Variants in SYT1 observed in about 807,000 individuals in gnomAD.
SYT1 encodes synaptotagmin 1.
In SYT1, 8 loss-of-function variants were observed where a neutral mutation model predicts 44.8. That is an observed-to-expected ratio of 0.18 (90% confidence interval 0.10 to 0.32). The LOEUF (loss-of-function observed/expected upper bound fraction) is 0.32. Among genes scored for constraint, SYT1 ranks in the 10% least tolerant of loss-of-function variants. The pLI is 1.00. For missense variants in SYT1, 286 were observed against 509.3 expected (o/e 0.56, Z 4.22); for synonymous variants, 154 against 188.8 (o/e 0.82, Z 1.51).
intron 8 of SYT1, among the ~76,000 whole-genome samples, chr12:79,334,611 C>A (rs61928826): frequency 0.11 from 17,008 of 152,158 alleles, 1,425 homozygotes; most frequent in African/African-American, 0.24. Flanking sequence ...AGAACATGCA[C>A]GCATCCGCTC....
intron 8 of SYT1, among the ~76,000 whole-genome samples, chr12:79,328,071 A>G (rs1028418580): frequency 4.6e-5 from 7 of 152,226 alleles, no homozygotes; most frequent in African/African-American, 1.7e-4. Flanking sequence ...TCTGTGTGTA[A>G]GAAAGCCAAT....
intron 9 of SYT1, among the ~76,000 whole-genome samples, chr12:79,428,844 T>C (rs992046042): frequency 6.6e-6 from 1 of 152,182 alleles, no homozygotes; most frequent in Non-Finnish European, 1.5e-5. Context: ...ATTTGGCTCA[T>C]GGTTCTATAG....
chr12:79,292,084 T>C lies in SYT1; in HGVS notation c.428T>C (p.Leu143Pro). 1 of 1,614,014 alleles carries C rather than the reference T, an allele frequency of 6.2e-7. No individual in the cohort carries two copies. Reference sequence around the variant, plus strand: ...GAAGAACCCAAAGAAGAGGAGAAACTGGGAAAACTTCAGTATTCACTGGAT... The same window carrying C: ...GAAGAACCCAAAGAAGAGGAGAAACCGGGAAAACTTCAGTATTCACTGGAT... ...EKEEPKEEEK[L>P]GKLQYSLDYD... The change falls in exon 6 of 11, where the codon CTG becomes CCG. Residue 143 changes from leucine (L) to proline (P), a missense_variant. Around this residue, in one of 6 missense-constraint regions of SYT1, gnomAD observed 81 missense variants for 164.9 expected, o/e 0.49. Transcript: ENST00000261205.
At chr12:79,099,467 G>A (rs1280303523) in intron 3 of SYT1, among the ~76,000 whole-genome samples, 1 of 152,060 alleles carries the variant, frequency 6.6e-6, no homozygotes, top group Non-Finnish European at 1.5e-5. Flanking sequence ...TAAGGCATCT[G>A]GTTTGATAGA....
chr12:78,969,299 G>T (rs960404888), intron 1 of SYT1, among the ~76,000 whole-genome samples: 1 of 152,164 alleles, frequency 6.6e-6, no homozygotes, highest in Admixed American at 6.5e-5. Context: ...ATCCCCAATA[G>T]ATACTGAGGA....
chr12:79,209,559 T>C (rs1874318841), intron 3 of SYT1, among the ~76,000 whole-genome samples: 1 of 152,174 alleles, frequency 6.6e-6, no homozygotes, highest in Non-Finnish European at 1.5e-5. Context: ...CCACCACTCA[T>C]TGTGTGAAGG....
intron 1 of SYT1, among the ~76,000 whole-genome samples, chr12:78,923,385 A>G (rs1439240884): frequency 1.3e-5 from 2 of 151,838 alleles, no homozygotes; most frequent in Non-Finnish European, 2.9e-5. Context: ...TATATGTGAG[A>G]CACTCTCCCA....
chr12:79,025,222 T>C (rs1320210880), intron 2 of SYT1, among the ~76,000 whole-genome samples: 1 of 151,814 alleles, frequency 6.6e-6, no homozygotes, highest in Non-Finnish European at 1.5e-5. Flanking sequence ...AATTTTCCTC[T>C]GGAGGCAAGA....
chr12:79,182,428 T>G (rs143161977), intron 3 of SYT1, among the ~76,000 whole-genome samples: 2 of 152,024 alleles, frequency 1.3e-5, no homozygotes, highest in African/African-American at 4.8e-5. Flanking sequence ...CTTCATAAAG[T>G]CTACTTGAGT....
intron 10 of SYT1, among the ~76,000 whole-genome samples, chr12:79,445,826 A>G (rs1162862458): frequency 6.7e-6 from 1 of 149,168 alleles, no homozygotes; most frequent in Non-Finnish European, 1.5e-5. Context: ...TGAATTAATC[A>G]CAGCTTTATT....
chr12:78,969,052 G>T (rs1290131907), intron 1 of SYT1, among the ~76,000 whole-genome samples: 2 of 152,094 alleles, frequency 1.3e-5, no homozygotes, highest in African/African-American at 4.8e-5. Context: ...ACCAATCATA[G>T]ATCAAAAATA....
intron 9 of SYT1, among the ~76,000 whole-genome samples, chr12:79,356,736 T>C (rs1190364657): frequency 6.6e-6 from 1 of 152,216 alleles, no homozygotes; most frequent in African/African-American, 2.4e-5. Flanking sequence ...ATTTAACTCT[T>C]CTAAGCCTCA....
chr12:79,049,291 A>C (rs1489364376), intron 3 of SYT1, among the ~76,000 whole-genome samples: 4 of 151,952 alleles, frequency 2.6e-5, no homozygotes, highest in African/African-American at 9.7e-5. Flanking sequence ...TCAAGTAATG[A>C]GATCTCCTGT....
intron 3 of SYT1, among the ~76,000 whole-genome samples, chr12:79,083,057 G>A (rs1180266866): frequency 6.6e-6 from 1 of 151,070 alleles, no homozygotes; most frequent in Non-Finnish European, 1.5e-5. Flanking sequence ...GAAAGAACAA[G>A]TCAAGACTAA....
intron 3 of SYT1, among the ~76,000 whole-genome samples, chr12:79,172,598 T>C (rs1871596636): frequency 6.6e-6 from 1 of 151,878 alleles, no homozygotes; most frequent in Non-Finnish European, 1.5e-5. Flanking sequence ...GGGTTAGTTA[T>C]GTGGGGCAAT....
intron 2 of SYT1, among the ~76,000 whole-genome samples, chr12:79,026,719 A>G (rs1027168876): frequency 4.6e-5 from 6 of 130,282 alleles, no homozygotes; most frequent in Non-Finnish European, 9.6e-5. Flanking sequence ...TTCATTGTCC[A>G]TTCACTATCA....
At chr12:79,438,645 A>G (rs557205523) in intron 9 of SYT1, among the ~76,000 whole-genome samples, 5 of 152,344 alleles carry the variant, frequency 3.3e-5, no homozygotes, top group Admixed American at 1.3e-4. Context: ...GGAGCTGATC[A>G]AGTAATTACA....
chr12:79,286,601 T>C (rs1879326782), intron 5 of SYT1, among the ~76,000 whole-genome samples: 1 of 152,178 alleles, frequency 6.6e-6, no homozygotes, highest in Non-Finnish European at 1.5e-5. Context: ...ATAAGGACAA[T>C]TACAACCATA....
In SYT1 at chr12:79,279,478, G is replaced by A. The variant is rs978265367; in HGVS notation, c.167-6309G>A. Among the ~76,000 whole-genome samples the A allele has an allele frequency of 3.9e-5, 6 of 151,994 alleles. No homozygotes were observed. In the East Asian group the frequency reaches 1.2e-3, roughly 29 times the overall value. On this transcript the variant is annotated intron_variant, in intron 4 of 10. Transcript: ENST00000261205. ...CCTGGTAAAAATTCTCCACAAACTA[G>A]GAATAGAAGGAAAAGGAACATAACT...
Sources: gnomAD v4.1 joint callset for allele counts (sites outside exome capture counted in the v4.1 genomes callset) on GRCh38, gnomAD v4.1.1 for gene constraint, gnomAD v4.1.1 regional missense constraint, MANE v1.5 for transcripts, NCBI Gene and HGNC (gene_info 2026-07-23, HGNC 2026-07-21) for gene names.